COPS4: variants seen among roughly 807,000 people sequenced by gnomAD.
COPS4 encodes the protein COP9 signalosome complex subunit 4.
Under a neutral mutation model 55.1 loss-of-function variants are expected in COPS4, and 8 were observed. The observed-to-expected ratio is 0.15, with a 90% CI of 0.09 to 0.26. The LOEUF is 0.26. COPS4 is among the 10% of genes least tolerant of loss of function. The probability of loss-of-function intolerance (pLI) is 1.00; values close to 1 mark genes in which losing one functional copy is unlikely to be tolerated. For missense variants in COPS4, 248 were observed against 484.0 expected (o/e 0.51, Z 4.58); for synonymous variants, 185 against 165.7 (o/e 1.12, Z -0.90).
intron 9 of COPS4, among the ~76,000 whole-genome samples, chr4:83,072,566 A>C (rs539216421): frequency 6.6e-6 from 1 of 152,260 alleles, no homozygotes; most frequent in South Asian, 2.1e-4. Flanking sequence ...TGTTTTCCTA[A>C]ATTTTTCTAA....
chr4:83,045,113 G>T (rs1057480941), intron 1 of COPS4, among the ~76,000 whole-genome samples: 1 of 152,158 alleles, frequency 6.6e-6, no homozygotes, highest in African/African-American at 2.4e-5. Context: ...TTAATGTTTG[G>T]TTTCGTTGCC....
intron 1 of COPS4, among the ~76,000 whole-genome samples, chr4:83,036,528 C>G (rs980407610): frequency 6.6e-6 from 1 of 152,128 alleles, no homozygotes; most frequent in Non-Finnish European, 1.5e-5. Context: ...TTTTCCCACT[C>G]AGGAAAATGA....
intron 9 of COPS4, chr4:83,073,486 T>G (rs1004322935): frequency 5.0e-6 from 2 of 402,432 alleles, no homozygotes; most frequent in African/African-American, 4.1e-5. Flanking sequence ...ATGTTAACTT[T>G]AATAATTTTG....
chr4:83,047,795 T>A (rs2126129137), intron 2 of COPS4, among the ~76,000 whole-genome samples: 1 of 152,104 alleles, frequency 6.6e-6, no homozygotes, highest in East Asian at 1.9e-4. Context: ...GGTCAGGAGA[T>A]CAAGACCATT....
At chr4:83,038,482 A>T (rs1046895550) in intron 1 of COPS4, among the ~76,000 whole-genome samples, 10 of 152,188 alleles carry the variant, frequency 6.6e-5, no homozygotes, top group African/African-American at 2.4e-4. Context: ...ACAAAAAAAA[A>T]TTGACTACAC....
At chr4:83,065,595 G>A (rs1482963867) in intron 7 of COPS4, among the ~76,000 whole-genome samples, 2 of 152,200 alleles carry the variant, frequency 1.3e-5, no homozygotes, top group African/African-American at 4.8e-5. Flanking sequence ...CATTGGGTGA[G>A]CCCAGTGGTC....
rs539865804 is a variant in COPS4, at chr4:83,044,099, C to T, written c.75-1527C>T. 3.3e-5 allele frequency among the ~76,000 whole-genome samples: 5 copies of T among 152,208 alleles called. No homozygotes were observed. In the East Asian group the frequency reaches 5.8e-4, roughly 18 times the overall value. On this transcript the variant is annotated intron_variant, in intron 1 of 9. Coordinates refer to ENST00000264389, the MANE Select transcript of COPS4 (RefSeq NM_016129.3). ...CGTAACTCTATTCTGGATGACTTTCCGAATAATTGCAATGCTATGAGGTTT... is the reference window on the plus strand; with the variant it reads ...CGTAACTCTATTCTGGATGACTTTCTGAATAATTGCAATGCTATGAGGTTT...
intron 2 of COPS4, among the ~76,000 whole-genome samples, 178 bp downstream of exon 2, chr4:83,045,883 A>G (rs545695769): frequency 6.6e-6 from 1 of 152,304 alleles, no homozygotes; most frequent in South Asian, 2.1e-4. Context: ...TCAGAATTAC[A>G]ATCCTAATTA....
intron 8 of COPS4, among the ~76,000 whole-genome samples, chr4:83,067,151 TCAGACTCGTGGG>T: frequency 6.6e-6 from 1 of 152,084 alleles, no homozygotes. Context: ...TACTGCTGCT[TCAGACTCGTGGG>T]TTCAAGCAAT....
chr4:83,053,739 C>T (rs1044927407), intron 4 of COPS4, among the ~76,000 whole-genome samples: 1 of 145,134 alleles, frequency 6.9e-6, no homozygotes, highest in African/African-American at 2.6e-5. Flanking sequence ...ACTGGGGAGG[C>T]TGAAGCACAA....
chr4:83,051,726 T>A (rs114406276), intron 4 of COPS4, among the ~76,000 whole-genome samples: 1,764 of 152,336 alleles, frequency 0.012, 18 homozygotes, highest in Non-Finnish European at 0.018. Context: ...GGACTAGATA[T>A]ACATATTTGG....
chr4:83,052,235 G>GGATTA (rs1400574150), intron 4 of COPS4, among the ~76,000 whole-genome samples: 1 of 152,162 alleles, frequency 6.6e-6, no homozygotes, highest in Non-Finnish European at 1.5e-5. Flanking sequence ...TTAGGCTAAG[G>GGATTA]GATTAGTTTT....
Position 83,045,670 on chromosome 4 carries a change from A to C in COPS4, c.119A>C (p.Glu40Ala), listed in dbSNP as rs1042319576. 6.2e-7 allele frequency: 1 copy of C among 1,613,118 alleles called. No individual in the cohort carries two copies. The highest frequency in any genetic ancestry group is 8.5e-7 in the Non-Finnish European group (1 of 1,179,546). ...AAAGCCATTCAGTTATCTGGAGCAGAACAACTAGAAGCTTTGAAAGCTTTT... is the reference window on the plus strand; with the variant it reads ...AAAGCCATTCAGTTATCTGGAGCAGCACAACTAGAAGCTTTGAAAGCTTTT... Reference protein sequence around the residue: ...LEKAIQLSGAEQLEALKAFVE... With the variant: ...LEKAIQLSGAAQLEALKAFVE... The change falls in exon 2 of 10, where the codon GAA becomes GCA. Residue 40 changes from glutamate (E) to alanine (A), a missense_variant. Coordinates refer to ENST00000264389, the MANE Select transcript of COPS4 (RefSeq NM_016129.3).
At chr4:83,057,489 G>T in intron 6 of COPS4, 81 bp downstream of exon 6, 2 of 1,136,654 alleles carry the variant, frequency 1.8e-6, no homozygotes, top group African/African-American at 1.6e-5. Flanking sequence ...GGAAAATTTA[G>T]CAAGGAACTA....
intron 1 of COPS4, among the ~76,000 whole-genome samples, chr4:83,039,525 G>T (rs1177628285): frequency 6.6e-6 from 1 of 152,170 alleles, no homozygotes; most frequent in African/African-American, 2.4e-5. Context: ...TTATATTGTG[G>T]CCGTTTTTTG....
intron 4 of COPS4, among the ~76,000 whole-genome samples, chr4:83,053,483 A>G (rs1375045804): frequency 6.6e-6 from 1 of 152,136 alleles, no homozygotes; most frequent in Admixed American, 6.6e-5. Flanking sequence ...TTTGGAGGGC[A>G]CAGTGGGTTC....
At chr4:83,050,404 T>G (rs1426605730) in intron 4 of COPS4, among the ~76,000 whole-genome samples, 4 of 152,084 alleles carry the variant, frequency 2.6e-5, no homozygotes, top group African/African-American at 9.7e-5. Flanking sequence ...TTCAAGCAAT[T>G]CTCCTGCCTC....
intron 1 of COPS4, among the ~76,000 whole-genome samples, chr4:83,042,630 A>G (rs1730596722): frequency 1.3e-5 from 2 of 150,982 alleles, no homozygotes; most frequent in African/African-American, 2.4e-5. Context: ...GAGATGAGAT[A>G]TCACTCTGTT....
rs1731555847 is a variant in COPS4, at chr4:83,075,705, T to A, written c.*275T>A. The A allele has an allele frequency of 3.5e-6, 1 of 282,918 alleles. No homozygotes were observed. Among genetic ancestry groups the A allele is most frequent in the Admixed American group, 5.1e-5 (1 of 19,746 alleles). 17.5% of individuals were successfully genotyped at this position (282,918 alleles called of 1,614,324 possible). ...ATATCTGTGGCTAAAAAGTTTGAGA[T>A]TTGTGATAACTTTGTAGTCATGTAA... On this transcript the variant is annotated 3_prime_UTR_variant, in exon 10 of 10. Coordinates refer to ENST00000264389, the MANE Select transcript of COPS4 (RefSeq NM_016129.3).
Sources: gnomAD v4.1 joint callset for allele counts (sites outside exome capture counted in the v4.1 genomes callset) on GRCh38, gnomAD v4.1.1 for gene constraint, MANE v1.5 for transcripts, NCBI Gene and HGNC (gene_info 2026-07-23, HGNC 2026-07-21) for gene names.